Variants in KHDRBS2 observed in about 807,000 individuals in gnomAD.
KHDRBS2 encodes KH RNA binding domain containing, signal transduction associated 2, also known as KH domain-containing, RNA-binding, signal transduction-associated protein 2.
KHDRBS2 carries 26 observed loss-of-function variants against 44.3 expected under a neutral mutation model. The ratio of observed to expected loss-of-function variants is 0.59; its 90% CI spans 0.43 to 0.81. KHDRBS2 has a LOEUF of 0.81. Ranked by LOEUF, KHDRBS2 falls within the 40% of genes least tolerant of loss-of-function variation. The pLI is 0.00. For synonymous variants in KHDRBS2, 194 were observed against 151.1 expected, an observed-to-expected ratio of 1.28 and a Z score of -2.08; for missense variants, 476 against 433.1, an observed-to-expected ratio of 1.10 and a Z score of -0.88.
At chr6:61,556,826 A>C in the KHDRBS2 span, among the ~76,000 whole-genome samples, 4 of 149,848 alleles carry the variant, frequency 2.7e-5, no homozygotes, top group Non-Finnish European at 5.9e-5. Context: ...TAATAAAATT[A>C]ATAATAGTTA....
At chr6:62,213,346 T>C (rs1829411418) in intron 1 of KHDRBS2, among the ~76,000 whole-genome samples, 1 of 151,168 alleles carries the variant, frequency 6.6e-6, no homozygotes, top group Non-Finnish European at 1.5e-5. Flanking sequence ...TAGCGCAGAA[T>C]ATGAAAAAAA....
chr6:61,561,602 G>A, the KHDRBS2 span, among the ~76,000 whole-genome samples: 1 of 152,090 alleles, frequency 6.6e-6, no homozygotes, highest in Non-Finnish European at 1.5e-5. Context: ...TCCACAGGGA[G>A]AGGAGCTTCT....
chr6:61,760,288 T>C (rs1582656415), intron 6 of KHDRBS2, among the ~76,000 whole-genome samples: 1 of 152,184 alleles, frequency 6.6e-6, no homozygotes, highest in Non-Finnish European at 1.5e-5. Context: ...CAAATTGTTA[T>C]TGATACTAGT....
chr6:61,582,173 T>C, the KHDRBS2 span, among the ~76,000 whole-genome samples: 1 of 151,740 alleles, frequency 6.6e-6, no homozygotes, highest in African/African-American at 2.4e-5. Context: ...GAGCTAAGCA[T>C]TTAACTTAAA....
At chr6:61,622,814 G>T in the KHDRBS2 span, among the ~76,000 whole-genome samples, 1 of 152,066 alleles carries the variant, frequency 6.6e-6, no homozygotes, top group African/African-American at 2.4e-5. Flanking sequence ...TATGATAGGG[G>T]CATCTGCATC....
chr6:62,036,253 T>C (rs1785260211), intron 3 of KHDRBS2, among the ~76,000 whole-genome samples: 1 of 151,944 alleles, frequency 6.6e-6, no homozygotes, highest in South Asian at 2.1e-4. Flanking sequence ...ATTTTGTAAA[T>C]AAGTCATATC....
intron 8 of KHDRBS2, among the ~76,000 whole-genome samples, chr6:61,681,281 A>G (rs1766264018): frequency 1.3e-5 from 2 of 151,968 alleles, no homozygotes; most frequent in Admixed American, 1.3e-4. Flanking sequence ...CAAAATAGAA[A>G]GAGGAGTATC....
intron 4 of KHDRBS2, among the ~76,000 whole-genome samples, chr6:61,950,427 T>C (rs542186922): frequency 2.0e-5 from 3 of 152,032 alleles, no homozygotes; most frequent in African/African-American, 7.2e-5. Context: ...ATTCCAGATG[T>C]TCCAAGACTT....
At chr6:61,958,111 T>C (rs762242957) in intron 4 of KHDRBS2, among the ~76,000 whole-genome samples, 12 of 152,164 alleles carry the variant, frequency 7.9e-5, no homozygotes, top group Non-Finnish European at 1.3e-4. Context: ...CAGCAACTGA[T>C]TTCTCTATTG....
intron 1 of KHDRBS2, among the ~76,000 whole-genome samples, chr6:62,275,627 G>C (rs543238117): frequency 6.6e-6 from 1 of 152,026 alleles, no homozygotes; most frequent in South Asian, 2.1e-4. Flanking sequence ...TTATTTTAAA[G>C]GAAACAACAA....
chr6:61,599,047 T>A, the KHDRBS2 span, among the ~76,000 whole-genome samples: 3 of 151,784 alleles, frequency 2.0e-5, no homozygotes, highest in African/African-American at 7.3e-5. Context: ...AATTCTCCTG[T>A]CTCAGCCTCC....
intron 4 of KHDRBS2, among the ~76,000 whole-genome samples, chr6:61,908,475 A>G (rs182068455): frequency 6.6e-6 from 1 of 152,104 alleles, no homozygotes; most frequent in East Asian, 1.9e-4. Flanking sequence ...TCTACTAAAA[A>G]TACAAAAAAT....
At chr6:62,004,649 A>G (rs1778893081) in intron 3 of KHDRBS2, among the ~76,000 whole-genome samples, 1 of 152,204 alleles carries the variant, frequency 6.6e-6, no homozygotes, top group African/African-American at 2.4e-5. Flanking sequence ...AATCCTCCCT[A>G]ACTCATTTTA....
Position 62,216,786 on chromosome 6 carries a change from T to C in KHDRBS2, c.92-39474A>G, listed in dbSNP as rs112104410. On this transcript the variant is annotated intron_variant, in intron 1 of 8. Coordinates refer to ENST00000281156, the MANE Select transcript of KHDRBS2 (RefSeq NM_152688.4). Reference sequence around the variant, plus strand: ...CAAGTAGACCAGGATAGACTTTAGATGACCAAAAGCCTAGATCACTTCGGT... The same window carrying C: ...CAAGTAGACCAGGATAGACTTTAGACGACCAAAAGCCTAGATCACTTCGGT... Among the ~76,000 whole-genome samples, 8 of 150,730 alleles carry C rather than the reference T, an allele frequency of 5.3e-5. 1 individual carries two copies. The highest frequency in any genetic ancestry group is 3.3e-4 in the Admixed American group (5 of 15,040).
At chr6:61,816,524 T>A in intron 6 of KHDRBS2, 1 of 364,152 alleles carries the variant, frequency 2.7e-6, no homozygotes, top group East Asian at 7.8e-5. Flanking sequence ...CTACCCTGTG[T>A]CTTAAAAGGA....
chr6:62,051,270 T>C (rs1788966370), intron 2 of KHDRBS2, among the ~76,000 whole-genome samples: 1 of 152,072 alleles, frequency 6.6e-6, no homozygotes. Context: ...TAATTGAGAA[T>C]GTGAAAAACA....
chr6:61,629,260 G>T, the KHDRBS2 span, among the ~76,000 whole-genome samples: 4 of 152,084 alleles, frequency 2.6e-5, no homozygotes, highest in Non-Finnish European at 5.9e-5. Flanking sequence ...AAGCAAAATT[G>T]CACCTTTAAG....
intron 6 of KHDRBS2, among the ~76,000 whole-genome samples, chr6:61,811,789 G>A (rs1788163622): frequency 6.6e-6 from 1 of 151,878 alleles, no homozygotes; most frequent in Non-Finnish European, 1.5e-5. Flanking sequence ...TACCAAATCA[G>A]ATACCTAAAT....
intron 6 of KHDRBS2, among the ~76,000 whole-genome samples, chr6:61,782,891 A>G (rs1290830356): frequency 6.6e-6 from 1 of 151,726 alleles, no homozygotes; most frequent in African/African-American, 2.4e-5. Flanking sequence ...TACTCAGGCC[A>G]TATTCTTCTT....
Sources: gnomAD v4.1 joint callset for allele counts (sites outside exome capture counted in the v4.1 genomes callset) on GRCh38, gnomAD v4.1.1 for gene constraint, MANE v1.5 for transcripts, NCBI Gene and HGNC (gene_info 2026-07-23, HGNC 2026-07-21) for gene names.